Variants in LY75 observed in about 807,000 individuals in gnomAD.
LY75 encodes the protein C-type lectin domain family 13 member B.
A neutral mutation model predicts 231.7 loss-of-function variants in LY75; 185 were observed. The observed-to-expected ratio is 0.80, with a 90% confidence interval of 0.71 to 0.90. LY75 has a LOEUF of 0.90. LY75 is among the 40% of genes least tolerant of loss of function. The probability of loss-of-function intolerance (pLI) is 0.00; values close to 1 mark genes in which losing one functional copy is unlikely to be tolerated. For missense variants in LY75, 1,947 were observed against 2,050.2 expected (o/e 0.95, Z 0.97); for synonymous variants, 668 against 689.0 (o/e 0.97, Z 0.48).
chr2:159,882,602 T>C (rs1340774749), intron 6 of LY75, among the ~76,000 whole-genome samples: 1 of 152,194 alleles, frequency 6.6e-6, no homozygotes, highest in African/African-American at 2.4e-5. Flanking sequence ...CAAGGGAGAT[T>C]GCCCTTAGTC....
At chr2:159,826,527 C>T (rs1039378808) in intron 28 of LY75, among the ~76,000 whole-genome samples, 3 of 152,130 alleles carry the variant, frequency 2.0e-5, no homozygotes, top group African/African-American at 7.2e-5. Context: ...AATGGCCATA[C>T]TGCCCAAAGT....
intron 25 of LY75, among the ~76,000 whole-genome samples, chr2:159,839,277 T>C (rs1204273424): frequency 1.3e-5 from 2 of 152,236 alleles, no homozygotes; most frequent in South Asian, 2.1e-4. Context: ...TGGTATACTT[T>C]GGGATATACC....
At chr2:159,887,250 C>T (rs1272035606) in intron 4 of LY75, among the ~76,000 whole-genome samples, 1 of 149,626 alleles carries the variant, frequency 6.7e-6, no homozygotes, top group African/African-American at 2.5e-5. Context: ...CACACACACA[C>T]GTGGTACAGT....
At chr2:159,812,718 C>A (rs1055250487) in intron 31 of LY75, among the ~76,000 whole-genome samples, 4 of 152,176 alleles carry the variant, frequency 2.6e-5, no homozygotes, top group African/African-American at 9.7e-5. Flanking sequence ...TGGCCTTAAC[C>A]ATTTTTAAGT....
chr2:159,880,669 T>G (rs1435907077), intron 8 of LY75, among the ~76,000 whole-genome samples: 1 of 152,250 alleles, frequency 6.6e-6, no homozygotes, highest in Non-Finnish European at 1.5e-5. Context: ...GTCTAGACTT[T>G]AGATTATTTG....
At chr2:159,899,094 T>C (rs751706501) in intron 1 of LY75, 35 bp from the exon 2 acceptor site, 3 of 1,590,768 alleles carry the variant, frequency 1.9e-6, no homozygotes, top group South Asian at 2.3e-5. Context: ...GTAGATTATG[T>C]GGTTGAAGCG....
chr2:159,870,601 C>T (rs1280160061), intron 13 of LY75, among the ~76,000 whole-genome samples: 1 of 152,050 alleles, frequency 6.6e-6, no homozygotes. Flanking sequence ...AACTCCTGGG[C>T]TCAAGTGATC....
intron 6 of LY75, among the ~76,000 whole-genome samples, chr2:159,884,951 T>A: frequency 6.6e-6 from 1 of 152,178 alleles, no homozygotes; most frequent in East Asian, 1.9e-4. Flanking sequence ...ATATTTAATA[T>A]TCTTCATTAC....
At chr2:159,879,166 T>A (rs1357896741) in intron 9 of LY75, 93 bp downstream of exon 9, 2 of 1,392,794 alleles carry the variant, frequency 1.4e-6, no homozygotes, top group African/African-American at 2.9e-5. Flanking sequence ...TTTCCTCTAT[T>A]TTATAAGTCT....
intron 13 of LY75, among the ~76,000 whole-genome samples, chr2:159,866,572 C>T (rs904679166): frequency 6.6e-6 from 1 of 152,134 alleles, no homozygotes; most frequent in Non-Finnish European, 1.5e-5. Flanking sequence ...ATGCCTTCAG[C>T]TCATCGGAGC....
At chr2:159,835,691 C>A (rs768317759) in intron 25 of LY75, 46 bp from the exon 26 acceptor site, 2 of 1,588,920 alleles carry the variant, frequency 1.3e-6, no homozygotes, top group Non-Finnish European at 1.7e-6. Context: ...TTGATGTTAA[C>A]CCTTTGTATT....
At chr2:159,867,020 C>G (rs1684876358) in intron 13 of LY75, among the ~76,000 whole-genome samples, 1 of 152,126 alleles carries the variant, frequency 6.6e-6, no homozygotes, top group African/African-American at 2.4e-5. Context: ...TCTCTGCTTT[C>G]AAGCCCATTT....
chr2:159,833,892 T>C (rs1683740069), intron 27 of LY75, 152 bp downstream of exon 27: 4 of 792,144 alleles, frequency 5.0e-6, no homozygotes, highest in Non-Finnish European at 7.5e-6. Context: ...CATGTAAACA[T>C]GTCTTTGCTT....
chr2:159,904,519 G>T, intron 1 of LY75, 70 bp downstream of exon 1: 1 of 1,439,214 alleles, frequency 6.9e-7, no homozygotes, highest in South Asian at 1.3e-5. Flanking sequence ...CCCTGCCCCA[G>T]GCTGGAAGGC....
chr2:159,804,627 G>C lies in LY75; in HGVS notation c.*417C>G, dbSNP rs1336178552. 6.5e-6 allele frequency: 1 copy of C among 153,438 alleles called. No individual in the cohort carries two copies. The highest frequency in any genetic ancestry group is 1.5e-5 in the Non-Finnish European group (1 of 68,668). 9.5% of individuals were successfully genotyped at this position (153,438 alleles called of 1,614,324 possible). A position where few individuals can be genotyped will look rare whatever the true frequency, so the allele number is the denominator to read the frequency against. ...GAGTTTACAGTTCAATTTTTACTTT[G>C]AGGTACTAATTTTGCATTTGGCCGG... is the stretch of plus-strand genomic sequence containing the variant. On this transcript the variant is annotated 3_prime_UTR_variant, in exon 35 of 35. Transcript: ENST00000263636.
chr2:159,831,178 G>A (rs982218382), intron 28 of LY75, among the ~76,000 whole-genome samples: 1 of 152,146 alleles, frequency 6.6e-6, no homozygotes, highest in Non-Finnish European at 1.5e-5. Context: ...CTGGTGGGAG[G>A]TGATTTTCCC....
intron 34 of LY75, among the ~76,000 whole-genome samples, chr2:159,806,684 T>G (rs565988008): frequency 1.3e-5 from 2 of 152,258 alleles, no homozygotes; most frequent in South Asian, 4.1e-4. Context: ...AAAATACATC[T>G]CAAGAACATT....
intron 32 of LY75, among the ~76,000 whole-genome samples, chr2:159,810,181 G>A (rs879680889): frequency 6.6e-6 from 1 of 151,978 alleles, no homozygotes; most frequent in Non-Finnish European, 1.5e-5. Context: ...CTACAGGTGT[G>A]TGCGACCACA....
chr2:159,831,403 A>G (rs1244976809), intron 28 of LY75, among the ~76,000 whole-genome samples: 1 of 152,222 alleles, frequency 6.6e-6, no homozygotes, highest in Non-Finnish European at 1.5e-5. Flanking sequence ...TCTTTTCTTC[A>G]TAAATTACCC....
Sources: gnomAD v4.1 joint callset for allele counts (sites outside exome capture counted in the v4.1 genomes callset) on GRCh38, gnomAD v4.1.1 for gene constraint, MANE v1.5 for transcripts, NCBI Gene and HGNC (gene_info 2026-07-23, HGNC 2026-07-21) for gene names.